Variants in AOAH observed in about 807,000 individuals in gnomAD.
AOAH encodes the protein acyloxyacyl hydrolase, also known as acyloxyacyl hydrolase (neutrophil).
Under a neutral mutation model 92.2 loss-of-function variants are expected in AOAH, and 64 were observed. The observed-to-expected ratio is 0.69, with a 90% CI of 0.57 to 0.86. The LOEUF (loss-of-function observed/expected upper bound fraction) is 0.86. AOAH is among the 40% of genes least tolerant of loss of function. The probability of loss-of-function intolerance (pLI) is 0.00; values close to 1 mark genes in which losing one functional copy is unlikely to be tolerated. For missense variants in AOAH, 656 were observed against 694.6 expected, an observed-to-expected ratio of 0.94 and a Z score of 0.62; for synonymous variants, 263 against 254.5, an observed-to-expected ratio of 1.03 and a Z score of -0.32.
chr7:36,529,436 G>C (rs2115955880), intron 19 of AOAH, among the ~76,000 whole-genome samples: 1 of 152,248 alleles, frequency 6.6e-6, no homozygotes, highest in Non-Finnish European at 1.5e-5. Flanking sequence ...TATCACCTAG[G>C]CAGGAAATCT....
At chr7:36,687,605 T>C (rs1667636556) in intron 1 of AOAH, among the ~76,000 whole-genome samples, 1 of 151,492 alleles carries the variant, frequency 6.6e-6, no homozygotes. Flanking sequence ...CAAAGATCAG[T>C]AAGTATGTGA....
chr7:36,566,345 C>G (rs1787711038), intron 13 of AOAH, among the ~76,000 whole-genome samples: 1 of 145,826 alleles, frequency 6.9e-6, no homozygotes, highest in Non-Finnish European at 1.5e-5. Context: ...TATAGTTTGT[C>G]TCTTCATCCT....
At chr7:36,698,484 A>C (rs1321003616) in intron 1 of AOAH, among the ~76,000 whole-genome samples, 1 of 151,528 alleles carries the variant, frequency 6.6e-6, no homozygotes. Flanking sequence ...TTGGCTTTGG[A>C]TTCTTCATTT....
chr7:36,610,574 C>T (rs1011981933), intron 11 of AOAH, among the ~76,000 whole-genome samples: 2 of 151,102 alleles, frequency 1.3e-5, no homozygotes, highest in Non-Finnish European at 2.9e-5. Context: ...GTTAAGGTGA[C>T]TCTCTCTGGG....
At chr7:36,629,274 G>A (rs1057370111) in intron 6 of AOAH, among the ~76,000 whole-genome samples, 4 of 152,082 alleles carry the variant, frequency 2.6e-5, no homozygotes, top group African/African-American at 9.7e-5. Context: ...TTTCAAATTG[G>A]ACCAAGAAAA....
At chr7:36,590,754 A>G (rs2727798) in intron 12 of AOAH, among the ~76,000 whole-genome samples, 52,592 of 152,190 alleles carry the variant, frequency 0.35, 9,456 homozygotes, top group Middle Eastern at 0.42. Context: ...TTCAAAGGGC[A>G]TGTGCCCAAA....
chr7:36,664,348 C>T (rs1480087160), intron 3 of AOAH, among the ~76,000 whole-genome samples: 1 of 152,056 alleles, frequency 6.6e-6, no homozygotes, highest in Non-Finnish European at 1.5e-5. Context: ...TCCATTTGTT[C>T]CAACACCATC....
At chr7:36,697,314 C>T (rs1040877920) in intron 1 of AOAH, among the ~76,000 whole-genome samples, 4 of 152,158 alleles carry the variant, frequency 2.6e-5, no homozygotes, top group Non-Finnish European at 5.9e-5. Flanking sequence ...TAATTGTGGC[C>T]TCTATTATAC....
At chr7:36,645,005 T>G (rs1465765885) in intron 4 of AOAH, among the ~76,000 whole-genome samples, 1 of 152,140 alleles carries the variant, frequency 6.6e-6, no homozygotes, top group Non-Finnish European at 1.5e-5. Flanking sequence ...CCAAATTCAC[T>G]GGTATAAACT....
chr7:36,660,251 C>T lies in AOAH; in HGVS notation c.291-986G>A, dbSNP rs577927895. Among the ~76,000 whole-genome samples, 6 of 152,324 alleles carry T rather than the reference C, an allele frequency of 3.9e-5. No individual in the cohort carries two copies. The South Asian group carries it at 6.2e-4, about 16-fold the overall frequency. On this transcript the variant is annotated intron_variant, in intron 3 of 20. Coordinates refer to ENST00000617537, the MANE Select transcript of AOAH (RefSeq NM_001637.4). ...CTGTTTGGTGGTCTCTTCACACGGA[C>T]GTGCTTGACATTATTATTACTCAAA... is the stretch of plus-strand genomic sequence containing the variant.
chr7:36,528,244 G>C (rs1784504805), intron 19 of AOAH, among the ~76,000 whole-genome samples: 1 of 152,220 alleles, frequency 6.6e-6, no homozygotes, highest in African/African-American at 2.4e-5. Flanking sequence ...AACTGTTGAT[G>C]GGAATCGCCA....
intron 4 of AOAH, among the ~76,000 whole-genome samples, chr7:36,638,752 C>CTCTG (rs1642999063): frequency 6.6e-6 from 1 of 152,234 alleles, no homozygotes; most frequent in African/African-American, 2.4e-5. Flanking sequence ...AATTGGAAAG[C>CTCTG]TCTGTCTGCT....
intron 13 of AOAH, among the ~76,000 whole-genome samples, chr7:36,570,416 T>A (rs983977918): frequency 6.6e-6 from 1 of 152,264 alleles, no homozygotes; most frequent in Non-Finnish European, 1.5e-5. Context: ...ATTAATCTGT[T>A]GATGAACGTT....
chr7:36,673,863 A>T, intron 3 of AOAH, 80 bp downstream of exon 3: 1 of 977,554 alleles, frequency 1.0e-6, no homozygotes, highest in East Asian at 2.5e-5. Context: ...TGCTGAACAC[A>T]GAGCCTCCCA....
chr7:36,522,429 G>A (rs955968608), intron 19 of AOAH, among the ~76,000 whole-genome samples: 38 of 152,152 alleles, frequency 2.5e-4, no homozygotes, highest in Non-Finnish European at 1.3e-4. Flanking sequence ...TCATTTTTTG[G>A]TGGTGCAGTA....
chr7:36,570,270 CCTT>C (rs1788049024), intron 13 of AOAH, among the ~76,000 whole-genome samples: 1 of 152,190 alleles, frequency 6.6e-6, no homozygotes, highest in Non-Finnish European at 1.5e-5. Flanking sequence ...CAGTATTCGT[CCTT>C]CTGTGACTGG....
intron 1 of AOAH, among the ~76,000 whole-genome samples, chr7:36,699,637 G>GTTTTTTT (rs377319409): frequency 3.0e-5 from 4 of 134,510 alleles, no homozygotes; most frequent in African/African-American, 5.4e-5. Flanking sequence ...TGGATTATTT[G>GTTTTTTT]TTTTTTTTTT....
At chr7:36,578,955 T>C (rs4720206) in intron 12 of AOAH, among the ~76,000 whole-genome samples, 24,084 of 152,032 alleles carry the variant, frequency 0.16, 2,460 homozygotes, top group Non-Finnish European at 0.23. Context: ...CTTCTAATCA[T>C]GGCAGAAGGC....
At chr7:36,582,400 C>T (rs1047931008) in intron 12 of AOAH, among the ~76,000 whole-genome samples, 1 of 152,194 alleles carries the variant, frequency 6.6e-6, no homozygotes, top group African/African-American at 2.4e-5. Context: ...CCAGTTTCAC[C>T]AGCTCCTTCT....
Sources: allele counts gnomAD v4.1 joint callset (sites outside exome capture counted in the v4.1 genomes callset), GRCh38; gene constraint gnomAD v4.1.1; transcripts MANE v1.5; gene names NCBI Gene and HGNC (gene_info 2026-07-23, HGNC 2026-07-21).